The following EYS variants were observed in gnomAD, a reference collection of about 807,000 sequenced individuals.
The protein encoded by EYS is EGF-like photoreceptor maintenance factor.
A neutral mutation model predicts 282.1 loss-of-function variants in EYS; 250 were observed. The ratio of observed to expected loss-of-function variants is 0.89; its 90% confidence interval spans 0.80 to 0.98. The LOEUF (loss-of-function observed/expected upper bound fraction) is 0.98. Among genes scored for constraint, EYS ranks in the 50% least tolerant of loss-of-function variants. The probability of loss-of-function intolerance (pLI) is 0.00; values close to 1 mark genes in which losing one functional copy is unlikely to be tolerated. For synonymous variants in EYS, 1,355 were observed against 1,282.9 expected (o/e 1.06, Z -1.20); for missense variants, 4,016 against 3,709.0 (o/e 1.08, Z -2.15).
intron 12 of EYS, among the ~76,000 whole-genome samples, chr6:65,277,334 G>A (rs1232768643): frequency 1.3e-5 from 2 of 151,788 alleles, no homozygotes; most frequent in African/African-American, 4.8e-5. Flanking sequence ...TCAGGAGGCT[G>A]AGGCAAAAGA....
intron 26 of EYS, among the ~76,000 whole-genome samples, chr6:64,445,170 C>T (rs972264409): frequency 2.2e-4 from 34 of 152,168 alleles, no homozygotes; most frequent in African/African-American, 8.2e-4. Context: ...ACACAGTTTT[C>T]AATCATATTT....
intron 2 of EYS, among the ~76,000 whole-genome samples, chr6:65,543,509 T>C (rs932916467): frequency 6.7e-6 from 1 of 149,476 alleles, no homozygotes; most frequent in Non-Finnish European, 1.5e-5. Flanking sequence ...AATTATATTA[T>C]AGTCCCAATA....
chr6:64,680,590 C>T (rs758707857), intron 22 of EYS, among the ~76,000 whole-genome samples: 4 of 152,182 alleles, frequency 2.6e-5, no homozygotes, highest in Non-Finnish European at 5.9e-5. Flanking sequence ...TCTGCTTAAA[C>T]GTTGAGTTGC....
intron 19 of EYS, among the ~76,000 whole-genome samples, chr6:64,860,010 A>T (rs1766185266): frequency 6.6e-6 from 1 of 152,178 alleles, no homozygotes; most frequent in South Asian, 2.1e-4. Flanking sequence ...AATTTGTAGC[A>T]GTTTTCTATT....
At chr6:64,094,544 G>C (rs1582259948) in intron 31 of EYS, among the ~76,000 whole-genome samples, 1 of 152,272 alleles carries the variant, frequency 6.6e-6, no homozygotes. Flanking sequence ...TATTTGCGTA[G>C]AGGTGTTTCT....
intron 14 of EYS, among the ~76,000 whole-genome samples, chr6:64,978,526 G>A (rs1468252076): frequency 6.6e-6 from 1 of 151,928 alleles, no homozygotes; most frequent in Non-Finnish European, 1.5e-5. Context: ...CATCCATTCT[G>A]TAGCCCATGA....
At chr6:65,631,504 T>A (rs976837070) in intron 2 of EYS, among the ~76,000 whole-genome samples, 2 of 152,272 alleles carry the variant, frequency 1.3e-5, no homozygotes, top group Middle Eastern at 3.4e-3. Context: ...TGTGTTGTTT[T>A]CCCTCTGTGG....
At chr6:64,014,059 C>G (rs926995387) in intron 33 of EYS, among the ~76,000 whole-genome samples, 1 of 152,036 alleles carries the variant, frequency 6.6e-6, no homozygotes, top group East Asian at 1.9e-4. Context: ...AATTAAAACT[C>G]AGGACTTAAA....
chr6:64,373,486 T>G (rs1263783175), intron 29 of EYS, among the ~76,000 whole-genome samples: 1 of 152,192 alleles, frequency 6.6e-6, no homozygotes, highest in African/African-American at 2.4e-5. Context: ...GGATTGTGCC[T>G]GCATGCAGAG....
chr6:64,281,905 C>G (rs535451779), intron 30 of EYS, among the ~76,000 whole-genome samples: 1 of 152,116 alleles, frequency 6.6e-6, no homozygotes, highest in East Asian at 1.9e-4. Context: ...AACTAAGGCA[C>G]TGGCCTTGAA....
intron 28 of EYS, among the ~76,000 whole-genome samples, chr6:64,408,355 C>G (rs1773788831): frequency 1.3e-5 from 2 of 152,092 alleles, no homozygotes. Context: ...TGCAACTCAG[C>G]CTCCCTCCAA....
intron 30 of EYS, among the ~76,000 whole-genome samples, chr6:64,254,103 G>T (rs1562273864): frequency 6.6e-6 from 1 of 152,020 alleles, no homozygotes; most frequent in Non-Finnish European, 1.5e-5. Context: ...TTCTGCTCTA[G>T]GGAGGCCTTA....
intron 41 of EYS, among the ~76,000 whole-genome samples, chr6:63,738,764 A>G (rs1768996611): frequency 6.6e-6 from 1 of 152,166 alleles, no homozygotes; most frequent in Non-Finnish European, 1.5e-5. Context: ...ACAGACATAT[A>G]TACACACATA....
At chr6:65,090,961 T>C (rs911350417) in intron 12 of EYS, among the ~76,000 whole-genome samples, 2 of 152,120 alleles carry the variant, frequency 1.3e-5, no homozygotes, top group African/African-American at 2.4e-5. Context: ...TTGTTATTAA[T>C]AAAACCTTCA....
intron 5 of EYS, among the ~76,000 whole-genome samples, chr6:65,413,370 A>T (rs1562163713): frequency 6.6e-6 from 1 of 152,218 alleles, no homozygotes; most frequent in Admixed American, 6.6e-5. Flanking sequence ...AGGAAATAGA[A>T]CACATTTAAA....
At chr6:64,195,610 T>A (rs1765262305) in intron 31 of EYS, among the ~76,000 whole-genome samples, 1 of 152,206 alleles carries the variant, frequency 6.6e-6, no homozygotes, top group African/African-American at 2.4e-5. Flanking sequence ...TTTTATTACT[T>A]TTTGTTGAAT....
intron 40 of EYS, among the ~76,000 whole-genome samples, chr6:63,771,176 C>T (rs1046847265): frequency 6.6e-6 from 1 of 152,042 alleles, no homozygotes; most frequent in South Asian, 2.1e-4. Context: ...AGACAGTGGA[C>T]CCTGGTTGCA....
chr6:65,442,898 GTA>G (rs374133117), intron 5 of EYS, among the ~76,000 whole-genome samples: 2 of 90,332 alleles, frequency 2.2e-5, no homozygotes, highest in Non-Finnish European at 3.0e-5. Context: ...GTACATATAT[GTA>G]TATATACATG....
intron 41 of EYS, among the ~76,000 whole-genome samples, chr6:63,737,967 C>CA (rs1554165443): frequency 4.0e-5 from 6 of 151,162 alleles, no homozygotes; most frequent in African/African-American, 1.2e-4. Flanking sequence ...TTTATGCAGC[C>CA]AAAAAAACAC....
Sources: gnomAD v4.1 joint callset for allele counts (sites outside exome capture counted in the v4.1 genomes callset) on GRCh38, gnomAD v4.1.1 for gene constraint, MANE v1.5 for transcripts, NCBI Gene and HGNC (gene_info 2026-07-23, HGNC 2026-07-21) for gene names.